Variants in EAF1 observed in about 807,000 individuals in gnomAD.
EAF1 encodes the protein ELL-associated factor 1.
EAF1 carries 19 observed loss-of-function variants against 26.6 expected under a neutral mutation model. The observed-to-expected ratio is 0.71, with a 90% CI of 0.50 to 1.05. The LOEUF is 1.05. Among genes scored for constraint, EAF1 ranks in the 50% least tolerant of loss-of-function variants. The pLI is 0.00. For synonymous variants in EAF1, 102 were observed against 120.6 expected, an observed-to-expected ratio of 0.85 and a Z score of 1.01; for missense variants, 260 against 335.5, an observed-to-expected ratio of 0.78 and a Z score of 1.76.
intron 3 of EAF1, 111 bp downstream of exon 3, chr3:15,432,334 C>G: frequency 3.7e-6 from 5 of 1,353,132 alleles, no homozygotes; most frequent in Non-Finnish European, 5.1e-6. Context: ...TATCAATAAT[C>G]TTAACACTAC....
chr3:15,430,101 T>G, intron 2 of EAF1, 94 bp downstream of exon 2: 1 of 1,022,444 alleles, frequency 9.8e-7, no homozygotes, highest in South Asian at 1.6e-5. Flanking sequence ...TTTAAAAATG[T>G]TTAGATTTCT....
chr3:15,436,155 T>C (rs2061833403), intron 4 of EAF1, 187 bp from the exon 5 acceptor site: 1 of 452,544 alleles, frequency 2.2e-6, no homozygotes, highest in African/African-American at 1.9e-5. Flanking sequence ...ATTGTGTCTC[T>C]GGAAACAGGC....
Position 15,428,593 on chromosome 3 carries a change from G to A in EAF1, c.103+711G>A, listed in dbSNP as rs111819015. Among the ~76,000 whole-genome samples, 1,152 of 152,148 alleles carry A rather than the reference G, an allele frequency of 7.6e-3. 23 individuals carry two copies. The highest frequency in any genetic ancestry group is 0.027 in the African/African-American group (1,104 of 41,410). Reference sequence around the variant, plus strand: ...TGAGCCTGGGATAGGTTAAAGATTGGTCTACGTTTGGAAGCAGAAGAGAGC... The same window carrying A: ...TGAGCCTGGGATAGGTTAAAGATTGATCTACGTTTGGAAGCAGAAGAGAGC... On this transcript the variant is annotated intron_variant, in intron 1 of 5. Coordinates refer to ENST00000396842, the MANE Select transcript of EAF1 (RefSeq NM_033083.7).
rs147672765 is a variant in EAF1 at position 15,431,248 on chromosome 3, G to A, written c.199-839G>A. Reference sequence around the variant, plus strand: ...CAAAACAAGCACATTTCTTGCCCTGGTGGAGCTTATGGTCTGGAGTTTAAA... The same window carrying A: ...CAAAACAAGCACATTTCTTGCCCTGATGGAGCTTATGGTCTGGAGTTTAAA... On this transcript the variant is annotated intron_variant, in intron 2 of 5. Transcript: ENST00000396842. Among the ~76,000 whole-genome samples, 3 of 152,306 alleles carry A rather than the reference G, an allele frequency of 2.0e-5. No individual in the cohort carries two copies. In the East Asian group the frequency reaches 5.8e-4, roughly 29 times the overall value.
intron 3 of EAF1, chr3:15,433,189 T>TAC (rs1387955886): frequency 6.6e-6 from 1 of 152,594 alleles, no homozygotes; most frequent in Non-Finnish European, 1.5e-5. Flanking sequence ...CATTCCAATT[T>TAC]TAGTATATGT....
chr3:15,438,994 G>A (rs908499215), intron 5 of EAF1, 115 bp from the exon 6 acceptor site: 2 of 952,084 alleles, frequency 2.1e-6, no homozygotes, highest in African/African-American at 1.7e-5. Context: ...AATTAACAAG[G>A]TTTTACTGTA....
intron 2 of EAF1, among the ~76,000 whole-genome samples, chr3:15,430,666 G>T (rs968440099): frequency 6.6e-6 from 1 of 152,122 alleles, no homozygotes; most frequent in Non-Finnish European, 1.5e-5. Flanking sequence ...ACCAAGCCAG[G>T]AGTTAAGGCA....
Position 15,427,857 on chromosome 3 carries a change from G to T in EAF1, c.78G>T (p.Pro26=). The T allele has an allele frequency of 6.4e-7, 1 of 1,550,484 alleles. No homozygotes were observed. Among genetic ancestry groups the T allele is most frequent in the Non-Finnish European group, 8.7e-7 (1 of 1,146,510 alleles). ...LRLGESFEKR[P]RASFHTIRYD... ...TCGGGGAGAGCTTCGAGAAGCGGCC[G>T]CGGGCCTCCTTCCACACTATTCGTT... The change falls in exon 1 of 6, where the codon CCG becomes CCT. Residue 26 remains proline, a synonymous_variant. Transcript: ENST00000396842.
chr3:15,436,026 T>C (rs756616068), intron 4 of EAF1: 15 of 180,828 alleles, frequency 8.3e-5, no homozygotes, highest in African/African-American at 3.1e-4. Context: ...GTTCATAATA[T>C]TCATAATTTT....
rs1559504200 is a variant in EAF1, at chr3:15,429,895, T to C, written c.104-18T>C. The C allele has an allele frequency of 6.3e-7, 1 of 1,589,726 alleles. No homozygotes were observed. The highest frequency in any genetic ancestry group is 8.6e-7 in the Non-Finnish European group (1 of 1,158,404). On this transcript the variant is annotated intron_variant, in intron 1 of 5. Transcript: ENST00000396842. ...TAAGTAACCTGGTGGGTAAGTGCTT[T>C]TTTTCCTTTCCCTTTAGATGATTTT... is the stretch of plus-strand genomic sequence containing the variant.
At position 15,441,136 on chromosome 3, in the gene EAF1, A is replaced by G. The variant is rs2061866928; in HGVS notation, c.*1981A>G. 1 of 153,212 alleles carries G rather than the reference A, an allele frequency of 6.5e-6. No homozygotes were observed. Among genetic ancestry groups the G allele is most frequent in the Admixed American group, 6.5e-5 (1 of 15,268 alleles). 9.5% of individuals were successfully genotyped at this position (153,212 alleles called of 1,614,324 possible). ...TGGTGAGTCAAGCTTCCTGAGCTTC[A>G]GACCGTTTGTCCTGTCATCTGTCCT... is the stretch of plus-strand genomic sequence containing the variant. On this transcript the variant is annotated 3_prime_UTR_variant, in exon 6 of 6. Coordinates refer to ENST00000396842, the MANE Select transcript of EAF1 (RefSeq NM_033083.7).
intron 1 of EAF1, among the ~76,000 whole-genome samples, chr3:15,428,555 A>C (rs2061774305): frequency 6.6e-6 from 1 of 152,196 alleles, no homozygotes; most frequent in Non-Finnish European, 1.5e-5. Flanking sequence ...GTAAAGAGTC[A>C]AATCAGAGTT....
At chr3:15,438,208 G>A (rs374141801) in intron 5 of EAF1, among the ~76,000 whole-genome samples, 8 of 152,324 alleles carry the variant, frequency 5.3e-5, no homozygotes, top group African/African-American at 1.9e-4. Context: ...CTGGGGTTCT[G>A]TTATATGTAT....
In EAF1 at chr3:15,429,925, C is replaced by G; in HGVS notation, c.116C>G (p.Pro39Arg). Residue 39 changes from proline to arginine, a missense_variant, in exon 2 of 6, where the codon CCA (proline) becomes CGA (arginine). Pro to Arg is a moderately radical substitution (Grantham distance 103). Transcript: ENST00000396842. ...CCTTTCCCTTTAGATGATTTTAAACCAGCATCTATAGACACTTCCTGTGAA... is the reference window on the plus strand; with the variant it reads ...CCTTTCCCTTTAGATGATTTTAAACGAGCATCTATAGACACTTCCTGTGAA... Reference protein sequence around the residue: ...SFHTIRYDFKPASIDTSCEGE... With the variant: ...SFHTIRYDFKRASIDTSCEGE... The G allele has an allele frequency of 6.2e-7, 1 of 1,612,744 alleles. No homozygotes were observed. Among genetic ancestry groups the G allele is most frequent in the Non-Finnish European group, 8.5e-7 (1 of 1,179,312 alleles).
At chr3:15,431,308 A>C (rs948199533) in intron 2 of EAF1, among the ~76,000 whole-genome samples, 9 of 152,214 alleles carry the variant, frequency 5.9e-5, no homozygotes, top group Non-Finnish European at 1.3e-4. Context: ...ATTCTACAAA[A>C]TCAGGGACAG....
At chr3:15,430,088 A>C in intron 2 of EAF1, 81 bp downstream of exon 2, 1 of 1,090,988 alleles carries the variant, frequency 9.2e-7, no homozygotes, top group South Asian at 1.5e-5. Context: ...TAAACTTCCT[A>C]CTTTTAAAAA....
chr3:15,428,729 T>C lies in EAF1; in HGVS notation c.103+847T>C, dbSNP rs527962936. Among the ~76,000 whole-genome samples, 3 of 152,334 alleles carry C rather than the reference T, an allele frequency of 2.0e-5. No homozygotes were observed. The South Asian group carries it at 6.2e-4, about 32-fold the overall frequency. Reference sequence around the variant, plus strand: ...TATGTCCTGGGTGAAGGTTTGGCAGTTAGGAATTGGCTGACAGAGCATCCC... The same window carrying C: ...TATGTCCTGGGTGAAGGTTTGGCAGCTAGGAATTGGCTGACAGAGCATCCC... On this transcript the variant is annotated intron_variant, in intron 1 of 5. Transcript: ENST00000396842.
intron 4 of EAF1, among the ~76,000 whole-genome samples, chr3:15,435,967 T>C (rs1392200131): frequency 5.9e-5 from 9 of 152,250 alleles, no homozygotes; most frequent in Non-Finnish European, 1.2e-4. Context: ...TCAACCACTT[T>C]ACATAATATT....
At chr3:15,435,575 C>G (rs1179265661) in intron 4 of EAF1, among the ~76,000 whole-genome samples, 1 of 151,842 alleles carries the variant, frequency 6.6e-6, no homozygotes, top group African/African-American at 2.4e-5. Context: ...GCCAATTATG[C>G]TTAAAGGAGC....
Sources: gnomAD v4.1 joint callset for allele counts (sites outside exome capture counted in the v4.1 genomes callset) on GRCh38, gnomAD v4.1.1 for gene constraint, MANE v1.5 for transcripts, NCBI Gene and HGNC (gene_info 2026-07-23, HGNC 2026-07-21) for gene names.